The following PRKCH variants were observed in gnomAD, a reference collection of about 807,000 sequenced individuals.
The protein encoded by PRKCH is protein kinase C eta.
Under a neutral mutation model 82.5 loss-of-function variants are expected in PRKCH, and 28 were observed. The ratio of observed to expected loss-of-function variants is 0.34; its 90% CI spans 0.25 to 0.47. The LOEUF (loss-of-function observed/expected upper bound fraction) is 0.47, where lower values mean the gene tolerates loss of function less well. Among genes scored for constraint, PRKCH ranks in the 20% least tolerant of loss-of-function variants. The pLI, the probability that PRKCH is intolerant of heterozygous loss-of-function variation, is 1.00. For synonymous variants in PRKCH, 322 were observed against 327.4 expected, an observed-to-expected ratio of 0.98 and a Z score of 0.18; for missense variants, 705 against 881.8, an observed-to-expected ratio of 0.80 and a Z score of 2.54.
chr14:61,443,498 G>A (rs773582988), intron 3 of PRKCH, among the ~76,000 whole-genome samples: 13 of 152,194 alleles, frequency 8.5e-5, no homozygotes, highest in Non-Finnish European at 1.5e-4. Context: ...TGGTAAAGAT[G>A]CTAATGAATC....
intron 1 of PRKCH, among the ~76,000 whole-genome samples, chr14:61,255,949 T>C (rs1204860433): frequency 6.6e-6 from 1 of 152,146 alleles, no homozygotes; most frequent in African/African-American, 2.4e-5. Flanking sequence ...AAAATTCTAA[T>C]TGTGGGTTGT....
intron 10 of PRKCH, among the ~76,000 whole-genome samples, chr14:61,504,792 G>A (rs1887066942): frequency 1.3e-5 from 2 of 152,102 alleles, no homozygotes; most frequent in African/African-American, 4.8e-5. Context: ...TACGCCTCTT[G>A]TTTTATGTCC....
At chr14:61,355,440 C>T (rs2140154178) in intron 1 of PRKCH, among the ~76,000 whole-genome samples, 1 of 151,946 alleles carries the variant, frequency 6.6e-6, no homozygotes, top group South Asian at 2.1e-4. Context: ...ACTGTTAGCT[C>T]CTTGAGGGAA....
intron 1 of PRKCH, among the ~76,000 whole-genome samples, chr14:61,189,431 T>C (rs532188450): frequency 2.0e-5 from 3 of 152,242 alleles, no homozygotes; most frequent in Non-Finnish European, 4.4e-5. Context: ...TTGTCTCCAG[T>C]GCAGGGCCTT....
At chr14:61,245,543 C>A (rs1030277212) in intron 1 of PRKCH, among the ~76,000 whole-genome samples, 1 of 152,136 alleles carries the variant, frequency 6.6e-6, no homozygotes, top group African/African-American at 2.4e-5. Context: ...AGAGGAGCGC[C>A]CAAGGACTAT....
Position 61,322,053 on chromosome 14 carries a change from CCCGCTGCGAAGCA to C in PRKCH, c.-48_-36del. ...GGCCTGAGACGGGACTCCCGGTTCT[CCCGCTGCGAAGCA>C]GCGCGGCCCCCCGGGGCCGGGGCAG... On this transcript the variant is annotated 5_prime_UTR_variant, in exon 1 of 14. Transcript: ENST00000332981. The C allele has an allele frequency of 1.3e-6, 2 of 1,489,930 alleles. No homozygotes were observed. Among genetic ancestry groups the C allele is most frequent in the Non-Finnish European group, 1.8e-6 (2 of 1,115,340 alleles). The allele number at this position is 1,489,930 out of a possible 1,614,324, so 92.3% of individuals were successfully genotyped here. A position where few individuals can be genotyped will look rare whatever the true frequency, so the allele number is the denominator to read the frequency against.
intron 1 of PRKCH, among the ~76,000 whole-genome samples, chr14:61,223,889 T>C (rs907179453): frequency 6.6e-6 from 1 of 152,220 alleles, no homozygotes; most frequent in African/African-American, 2.4e-5. Context: ...CACCCACATG[T>C]CTGGCCCTCA....
At chr14:61,470,287 A>G (rs1171432445) in intron 9 of PRKCH, among the ~76,000 whole-genome samples, 1 of 151,914 alleles carries the variant, frequency 6.6e-6, no homozygotes, top group Non-Finnish European at 1.5e-5. Flanking sequence ...CAGAATGGCA[A>G]GAGTAGCAGC....
At chr14:61,222,969 C>T (rs562032125) in intron 1 of PRKCH, among the ~76,000 whole-genome samples, 20 of 152,184 alleles carry the variant, frequency 1.3e-4, no homozygotes, top group Non-Finnish European at 2.1e-4. Flanking sequence ...CCTGTCAGGA[C>T]GCCTTTTTTT....
At chr14:61,367,014 G>C (rs566614542) in intron 1 of PRKCH, among the ~76,000 whole-genome samples, 7 of 152,014 alleles carry the variant, frequency 4.6e-5, no homozygotes, top group Non-Finnish European at 8.8e-5. Flanking sequence ...AGGAAAGTCT[G>C]TTTTCCTGAA....
intron 1 of PRKCH, among the ~76,000 whole-genome samples, chr14:61,205,957 C>T (rs976986456): frequency 1.3e-5 from 2 of 152,196 alleles, no homozygotes; most frequent in African/African-American, 4.8e-5. Context: ...CATCACCTCT[C>T]TAATACATCA....
intron 1 of PRKCH, among the ~76,000 whole-genome samples, chr14:61,338,468 G>A (rs1310456920): frequency 1.3e-5 from 2 of 152,132 alleles, no homozygotes; most frequent in Non-Finnish European, 2.9e-5. Flanking sequence ...AGTATTAAAG[G>A]TGTGTGAAAA....
intron 1 of PRKCH, among the ~76,000 whole-genome samples, chr14:61,290,566 A>G (rs1265356371): frequency 6.6e-6 from 1 of 152,168 alleles, no homozygotes; most frequent in Non-Finnish European, 1.5e-5. Context: ...AGTTTTTCCA[A>G]GATGTCCTCT....
intron 6 of PRKCH, among the ~76,000 whole-genome samples, chr14:61,452,018 A>G (rs531288101): frequency 1.3e-5 from 2 of 152,302 alleles, no homozygotes; most frequent in East Asian, 1.9e-4. Flanking sequence ...TCACCTGGGT[A>G]TGGGTTCCCA....
At chr14:61,224,169 A>G (rs2044677895) in intron 1 of PRKCH, among the ~76,000 whole-genome samples, 1 of 152,146 alleles carries the variant, frequency 6.6e-6, no homozygotes, top group Non-Finnish European at 1.5e-5. Context: ...CTATCCTTGC[A>G]GTGCATCTTT....
Position 61,231,519 on chromosome 14 carries a change from C to T in PRKCH, c.-19+43851C>T, listed in dbSNP as rs1435350303. ...CTGGGACTATAGGCACCCGCCACCACGCCTGGCTAATTTTAATTTTGTTTT... is the reference window on the plus strand; with the variant it reads ...CTGGGACTATAGGCACCCGCCACCATGCCTGGCTAATTTTAATTTTGTTTT... On this transcript the variant is annotated intron_variant, in intron 1 of 3. Transcript: ENST00000555185. 5.3e-5 allele frequency among the ~76,000 whole-genome samples: 8 copies of T among 152,082 alleles called. No homozygotes were observed. In the East Asian group the frequency reaches 7.8e-4, roughly 15 times the overall value.
intron 1 of PRKCH, among the ~76,000 whole-genome samples, chr14:61,297,384 G>C (rs1380398430): frequency 6.6e-6 from 1 of 152,056 alleles, no homozygotes; most frequent in African/African-American, 2.4e-5. Flanking sequence ...CTTAGACTTG[G>C]GCCTGGGGCT....
rs778582382 is a variant in PRKCH, at chr14:61,209,628, A to G, written c.-19+21960A>G. ...GACCATAGTGATCATATGATCCAAC[A>G]GTTTCCAAACTCAGGGTGCCATAAG... On this transcript the variant is annotated intron_variant, in intron 1 of 3. Coordinates refer to the PRKCH transcript ENST00000555185. Among the ~76,000 whole-genome samples the G allele has an allele frequency of 4.3e-4, 65 of 152,178 alleles. 1 individual carries two copies. The highest frequency in any genetic ancestry group is 8.5e-4 in the Non-Finnish European group (58 of 68,034).
At chr14:61,518,388 G>A (rs1407716134) in intron 10 of PRKCH, among the ~76,000 whole-genome samples, 1 of 151,768 alleles carries the variant, frequency 6.6e-6, no homozygotes, top group Non-Finnish European at 1.5e-5. Context: ...CTTCAGCCAG[G>A]GAATTTCAGC....
Sources: gnomAD v4.1 joint callset for allele counts (sites outside exome capture counted in the v4.1 genomes callset) on GRCh38, gnomAD v4.1.1 for gene constraint, MANE v1.5 for transcripts, NCBI Gene and HGNC (gene_info 2026-07-23, HGNC 2026-07-21) for gene names.